The following SVEP1 variants were observed in gnomAD, a reference collection of about 807,000 sequenced individuals.
SVEP1 encodes the protein sushi, von Willebrand factor type A, EGF and pentraxin domain containing 1, also known as sushi, von Willebrand factor type A, EGF and pentraxin domain-containing protein 1.
A neutral mutation model predicts 367.3 loss-of-function variants in SVEP1; 164 were observed. That is an observed-to-expected ratio of 0.45 (90% CI 0.39 to 0.51). The LOEUF is 0.51. Ranked by LOEUF, SVEP1 falls within the 20% of genes least tolerant of loss-of-function variation. The pLI is 0.00. For synonymous variants in SVEP1, 1,666 were observed against 1,611.6 expected, an observed-to-expected ratio of 1.03 and a Z score of -0.81; for missense variants, 4,117 against 4,425.3, an observed-to-expected ratio of 0.93 and a Z score of 1.98.
chr9:110,482,290 A>C, intron 11 of SVEP1, 71 bp downstream of exon 11: 2 of 1,473,854 alleles, frequency 1.4e-6, no homozygotes, highest in East Asian at 4.8e-5. Context: ...TTTCTTTCAT[A>C]AAACAGAGCA....
At position 110,579,174 on chromosome 9, in the gene SVEP1, T is replaced by A; in HGVS notation, c.370A>T (p.Ile124Phe). 1 of 1,566,588 alleles carries A rather than the reference T, an allele frequency of 6.4e-7. No individual in the cohort carries two copies. The highest frequency in any genetic ancestry group is 8.6e-7 in the Non-Finnish European group (1 of 1,156,668). ...PVVPTATRVA[I>F]VTFSSKNYVV... is the part of the protein sequence containing the mutation. Reference sequence around the variant, plus strand: ...TAGTTCTTGGACGAGAAGGTCACGATGGCCACGCGCGTGGCCGTGGGCACC... The same window carrying A: ...TAGTTCTTGGACGAGAAGGTCACGAAGGCCACGCGCGTGGCCGTGGGCACC... Residue 124 changes from isoleucine (I) to phenylalanine (F), a missense_variant, in exon 1 of 48, where the codon ATC (isoleucine) becomes TTC (phenylalanine). This residue lies in a region of SVEP1 where 2,174 missense variants were observed against 2,494.3 expected (regional missense o/e 0.87). Coordinates refer to ENST00000374469, the MANE Select transcript of SVEP1 (RefSeq NM_153366.4). This position sits in a 1 kb window ranked among gnomAD's most constrained non-coding sequence, Gnocchi z 5.3.
At chr9:110,533,129 G>C (rs1440071243) in intron 3 of SVEP1, among the ~76,000 whole-genome samples, 1 of 152,030 alleles carries the variant, frequency 6.6e-6, no homozygotes, top group African/African-American at 2.4e-5. Context: ...AGGCGGTAAG[G>C]CTTGCTCACC....
intron 3 of SVEP1, among the ~76,000 whole-genome samples, chr9:110,537,748 T>C (rs1418236126): frequency 6.6e-6 from 1 of 151,934 alleles, no homozygotes; most frequent in Non-Finnish European, 1.5e-5. Context: ...TATTTTAAAA[T>C]GTCAATACAG....
intron 40 of SVEP1, among the ~76,000 whole-genome samples, chr9:110,390,927 T>C (rs1016946465): frequency 1.3e-5 from 2 of 152,164 alleles, no homozygotes; most frequent in Non-Finnish European, 2.9e-5. Flanking sequence ...CCAACCTTGT[T>C]TCATGTAAGC....
At position 110,434,666 on chromosome 9, in the gene SVEP1, T is replaced by TAAAAAA. The variant is rs71371668; in HGVS notation, c.4889-166_4889-161dup. Among the ~76,000 whole-genome samples the TAAAAAA allele has an allele frequency of 9.7e-3, 394 of 40,620 alleles. 60 individuals carry two copies. Among genetic ancestry groups the TAAAAAA allele is most frequent in the South Asian group, 0.032 (20 of 624 alleles). The allele number at this position is 40,620 out of a possible 152,430, so 26.6% of individuals were successfully genotyped here. ...CCAGATCACTGGCAAGCAAAATCACTAAAAAAAAAAAAAAAAAAAAGCATT... is the reference window on the plus strand; with the variant it reads ...CCAGATCACTGGCAAGCAAAATCACTAAAAAAAAAAAAAAAAAAAAAAAAAAGCATT... On this transcript the variant is annotated intron_variant, in intron 29 of 47. Coordinates refer to ENST00000374469, the MANE Select transcript of SVEP1 (RefSeq NM_153366.4).
intron 36 of SVEP1, among the ~76,000 whole-genome samples, chr9:110,424,072 T>C (rs765571761): frequency 1.3e-5 from 2 of 152,232 alleles, no homozygotes; most frequent in Non-Finnish European, 2.9e-5. Flanking sequence ...GTATGGTCAC[T>C]CCTGGGAGCA....
At chr9:110,393,627 A>G (rs1303481949) in intron 40 of SVEP1, among the ~76,000 whole-genome samples, 3 of 152,236 alleles carry the variant, frequency 2.0e-5, no homozygotes, top group African/African-American at 7.2e-5. Context: ...GGGGTGACAG[A>G]TGGCACCTGG....
At chr9:110,577,511 T>C (rs1830640889) in intron 1 of SVEP1, among the ~76,000 whole-genome samples, 2 of 152,138 alleles carry the variant, frequency 1.3e-5, no homozygotes, top group Admixed American at 1.3e-4. Context: ...AGCTGCTACA[T>C]GGAAAACTAT....
At chr9:110,571,715 C>T (rs117690645) in intron 1 of SVEP1, among the ~76,000 whole-genome samples, 2,795 of 152,298 alleles carry the variant, frequency 0.018, 40 homozygotes, top group Non-Finnish European at 0.029. Context: ...AGGGGGTTAA[C>T]ACCATCTCAG....
Position 110,434,424 on chromosome 9 carries a change from G to A in SVEP1, c.4971C>T (p.Phe1657=). The A allele has an allele frequency of 6.2e-7, 1 of 1,613,472 alleles. No homozygotes were observed. Among genetic ancestry groups the A allele is most frequent in the African/African-American group, 1.3e-5 (1 of 74,980 alleles). ...DLKPGSKVNL[F]CDPGFQLVGN... is the part of the protein sequence containing the mutation. ...CGACCAGCTGGAAGCCTGGATCACA[G>A]AACAGATTGACTTTGGAACCTGGCT... Residue 1657 remains phenylalanine, a synonymous_variant, in exon 30 of 48, where the codon TTC becomes TTT. Transcript: ENST00000374469.
chr9:110,528,156 G>GTGTGTGTGTATGTATATATATATATA, intron 3 of SVEP1, among the ~76,000 whole-genome samples: 12 of 33,940 alleles, frequency 3.5e-4, no homozygotes, highest in Non-Finnish European at 5.7e-4. Context: ...GTGTGTGTGT[G>GTGTGTGTGTATGTATATATATATATA]TATATATATA....
intron 43 of SVEP1, among the ~76,000 whole-genome samples, chr9:110,382,290 TCA>T (rs536655049): frequency 9.7e-4 from 148 of 152,322 alleles, no homozygotes; most frequent in Non-Finnish European, 1.7e-3. Context: ...ATGAATTCCC[TCA>T]GTGTTTTCTT....
Position 110,443,534 on chromosome 9 carries a change from T to C in SVEP1, c.4639+11A>G, listed in dbSNP as rs1166096798. On this transcript the variant is annotated intron_variant, in intron 27 of 47. Transcript: ENST00000374469. ...GTCCAACAGAATTATACTCATTTTG[T>C]TAAAACATACCAGGTATGGGCAAAC... The C allele has an allele frequency of 6.3e-7, 1 of 1,590,736 alleles. No homozygotes were observed.
intron 7 of SVEP1, among the ~76,000 whole-genome samples, chr9:110,497,412 A>G (rs1829467524): frequency 6.6e-6 from 1 of 152,204 alleles, no homozygotes; most frequent in Non-Finnish European, 1.5e-5. Flanking sequence ...TCCCAACCAT[A>G]AAACTCAACA....
chr9:110,372,142 CT>C (rs2118938278), intron 46 of SVEP1, among the ~76,000 whole-genome samples: 1 of 152,264 alleles, frequency 6.6e-6, no homozygotes, highest in Non-Finnish European at 1.5e-5. Context: ...TGGTCCATGC[CT>C]TTAGCTGCAA....
At chr9:110,400,453 G>C (rs1827840497) in intron 40 of SVEP1, among the ~76,000 whole-genome samples, 1 of 151,480 alleles carries the variant, frequency 6.6e-6, no homozygotes, top group Non-Finnish European at 1.5e-5. Context: ...TGAAACCTAT[G>C]CCTCACGGGT....
In SVEP1 at chr9:110,399,861, C is replaced by A. The variant is rs144483077; in HGVS notation, c.9822+993G>T. Among the ~76,000 whole-genome samples the A allele has an allele frequency of 8.0e-3, 1,212 of 152,100 alleles. 18 individuals are homozygous for A. Among genetic ancestry groups the A allele is most frequent in the African/African-American group, 0.027 (1,122 of 41,512 alleles). ...AACCTACCTTTAAATACCATTGTAA[C>A]AATAAAAATAAAAAAGAGTTTCCTG... On this transcript the variant is annotated intron_variant, in intron 40 of 47. Coordinates refer to ENST00000374469, the MANE Select transcript of SVEP1 (RefSeq NM_153366.4).
intron 43 of SVEP1, among the ~76,000 whole-genome samples, chr9:110,381,798 C>G (rs543895691): frequency 5.3e-4 from 81 of 152,214 alleles, no homozygotes; most frequent in South Asian, 8.3e-4. Flanking sequence ...GTTAAAGTCT[C>G]CCACTATTAT....
At chr9:110,483,957 C>A (rs2118709908) in intron 9 of SVEP1, among the ~76,000 whole-genome samples, 1 of 152,308 alleles carries the variant, frequency 6.6e-6, no homozygotes, top group African/African-American at 2.4e-5. Flanking sequence ...GTGTGAAAGG[C>A]AATTCCTGAT....
Sources: allele counts gnomAD v4.1 joint callset (sites outside exome capture counted in the v4.1 genomes callset), GRCh38; gene constraint gnomAD v4.1.1; regional missense constraint gnomAD v4.1.1; non-coding constraint Gnocchi (gnomAD v3.1); transcripts MANE v1.5; gene names NCBI Gene and HGNC (gene_info 2026-07-23, HGNC 2026-07-21).